The following POR variants were observed in gnomAD, a reference collection of about 807,000 sequenced individuals.
POR encodes the protein NADPH--cytochrome P450 reductase.
In POR, 56 loss-of-function variants were observed where a neutral mutation model predicts 84.0. The observed-to-expected ratio is 0.67, with a 90% CI of 0.54 to 0.83. The LOEUF is 0.83. Among genes scored for constraint, POR ranks in the 40% least tolerant of loss-of-function variants. The pLI, the probability that POR is intolerant of heterozygous loss-of-function variation, is 0.00. For missense variants in POR, 938 were observed against 944.3 expected, an observed-to-expected ratio of 0.99 and a Z score of 0.09; for synonymous variants, 414 against 400.5, an observed-to-expected ratio of 1.03 and a Z score of -0.40.
chr7:75,986,505 C>A lies in POR; in HGVS notation c.*24C>A. 2 of 1,601,552 alleles carry A rather than the reference C, an allele frequency of 1.2e-6. No individual in the cohort carries two copies. Among genetic ancestry groups the A allele is most frequent in the Middle Eastern group, 3.7e-4 (2 of 5,336 alleles). ...AGGGGCCTGCCTGCCCCACCCACCCCACAGACTCCGGCCTGTAATCAGCTC... is the reference window on the plus strand; with the variant it reads ...AGGGGCCTGCCTGCCCCACCCACCCAACAGACTCCGGCCTGTAATCAGCTC... On this transcript the variant is annotated 3_prime_UTR_variant, in exon 16 of 16. Coordinates refer to ENST00000461988, the MANE Select transcript of POR (RefSeq NM_000941.3).
At chr7:75,954,456 C>A (rs1554553459) in intron 2 of POR, among the ~76,000 whole-genome samples, 1 of 152,126 alleles carries the variant, frequency 6.6e-6, no homozygotes, top group African/African-American at 2.4e-5. Context: ...ACCGGGGGCT[C>A]AAGAATGTTA....
chr7:75,984,157 G>C (rs1156978139), intron 10 of POR, among the ~76,000 whole-genome samples: 3 of 152,214 alleles, frequency 2.0e-5, no homozygotes, highest in African/African-American at 7.2e-5. Context: ...TGTCCTGCTG[G>C]GAAGGAGGGC....
chr7:75,924,910 A>G (rs1237080024), intron 1 of POR, among the ~76,000 whole-genome samples: 2 of 152,146 alleles, frequency 1.3e-5, no homozygotes, highest in Admixed American at 6.6e-5. Flanking sequence ...CCCAGAGTGC[A>G]TAGGTGGCAT....
chr7:75,946,489 T>G (rs1343587603), intron 1 of POR, among the ~76,000 whole-genome samples: 2 of 152,110 alleles, frequency 1.3e-5, no homozygotes, highest in Admixed American at 6.5e-5. Flanking sequence ...GGTTTTGCCA[T>G]GTTACCCAGG....
At chr7:75,933,646 C>G (rs1427288284) in intron 1 of POR, among the ~76,000 whole-genome samples, 3 of 152,154 alleles carry the variant, frequency 2.0e-5, no homozygotes, top group Admixed American at 2.0e-4. Flanking sequence ...CTGCCTGGGC[C>G]TCCCAAAGTG....
intron 2 of POR, among the ~76,000 whole-genome samples, chr7:75,954,616 T>G (rs1391178349): frequency 2.6e-5 from 4 of 151,922 alleles, no homozygotes; most frequent in Non-Finnish European, 4.4e-5. Context: ...CAAGGTTCAC[T>G]GTAATCTCCA....
At chr7:75,918,576 G>A (rs1554548403) in intron 1 of POR, 1 of 152,100 alleles carries the variant, frequency 6.6e-6, no homozygotes, top group East Asian at 1.9e-4. Flanking sequence ...GCGCTGTTTG[G>A]ATCCCTGTAG....
At chr7:75,957,031 G>A (rs996248305) in intron 2 of POR, among the ~76,000 whole-genome samples, 7 of 152,138 alleles carry the variant, frequency 4.6e-5, no homozygotes, top group Non-Finnish European at 7.4e-5. Flanking sequence ...CGGCCACAGC[G>A]TACTTTTTAG....
At chr7:75,925,791 A>C (rs1313130980) in intron 1 of POR, among the ~76,000 whole-genome samples, 1 of 152,150 alleles carries the variant, frequency 6.6e-6, no homozygotes, top group Non-Finnish European at 1.5e-5. Flanking sequence ...TCTAGGTAAG[A>C]GGCTGAGAGG....
chr7:75,923,350 A>C lies in POR; in HGVS notation c.-5+8171A>C, dbSNP rs577505480. ...CCTTTCCACCTCTCAGTGGACTGTC[A>C]TGCTACCAAAAATAGTGGACTTTCT... On this transcript the variant is annotated intron_variant, in intron 1 of 15. Transcript: ENST00000461988. 3.6e-6 allele frequency: 3 copies of C among 838,850 alleles called. No individual in the cohort carries two copies. In the Admixed American group the frequency reaches 5.2e-5, roughly 14 times the overall value. The allele number at this position is 838,850 out of a possible 1,614,324, so 52.0% of individuals were successfully genotyped here. A position where few individuals can be genotyped will look rare whatever the true frequency, so the allele number is the denominator to read the frequency against.
At chr7:75,966,342 C>T (rs1345528989) in intron 2 of POR, among the ~76,000 whole-genome samples, 1 of 152,174 alleles carries the variant, frequency 6.6e-6, no homozygotes, top group Non-Finnish European at 1.5e-5. Flanking sequence ...CTCCAGCAAA[C>T]CACTTTCTGT....
At position 75,980,489 on chromosome 7, in the gene POR, G is replaced by A. The variant is rs1788951876; in HGVS notation, c.516+1G>A. The stretch of plus-strand genomic sequence containing the variant: ...GGATCTCTCTGGGGTCAAGTTCGCG[G>A]TGAGTCACCCAGAGACTGCTATGGG... On this transcript the variant is annotated splice_donor_variant, in intron 5 of 15. Transcript: ENST00000461988. LOFTEE classifies it high-confidence loss of function. 1 of 1,612,902 alleles carries A rather than the reference G, an allele frequency of 6.2e-7. No homozygotes were observed. The highest frequency in any genetic ancestry group is 8.5e-7 in the Non-Finnish European group (1 of 1,179,802).
At chr7:75,969,538 G>T (rs1017819234) in intron 2 of POR, among the ~76,000 whole-genome samples, 1 of 152,186 alleles carries the variant, frequency 6.6e-6, no homozygotes, top group Non-Finnish European at 1.5e-5. Context: ...TGTGTTACCC[G>T]CCAGGCACTC....
chr7:75,921,905 C>T (rs542274762), intron 1 of POR, among the ~76,000 whole-genome samples: 2 of 152,242 alleles, frequency 1.3e-5, no homozygotes, highest in South Asian at 2.1e-4. Context: ...CAGGGTTTCA[C>T]CATGTTGGCC....
At chr7:75,943,802 G>C in intron 1 of POR, 2 of 496,090 alleles carry the variant, frequency 4.0e-6, no homozygotes, top group South Asian at 2.9e-5. Context: ...AAACCCTCTT[G>C]GTGGCTTCCC....
chr7:75,918,555 T>G (rs942829649), intron 1 of POR: 5 of 152,100 alleles, frequency 3.3e-5, no homozygotes, highest in African/African-American at 1.2e-4. Flanking sequence ...GGGTCCTTCT[T>G]CATCTTCTTG....
intron 1 of POR, among the ~76,000 whole-genome samples, chr7:75,941,414 C>T (rs1807974065): frequency 6.6e-6 from 1 of 152,120 alleles, no homozygotes; most frequent in African/African-American, 2.4e-5. Flanking sequence ...TGACCAGCTC[C>T]ATATTGCTTT....
At chr7:75,951,762 G>C (rs1310693097) in intron 1 of POR, among the ~76,000 whole-genome samples, 1 of 152,240 alleles carries the variant, frequency 6.6e-6, no homozygotes, top group Non-Finnish European at 1.5e-5. Flanking sequence ...GTGAATTTCA[G>C]GGCTGAGCCC....
At position 75,980,400 on chromosome 7, in the gene POR, A is replaced by G. The variant is rs1554557541; in HGVS notation, c.428A>G (p.Tyr143Cys). 5 of 1,613,060 alleles carry G rather than the reference A, an allele frequency of 3.1e-6. No homozygotes were observed. The highest frequency in any genetic ancestry group is 1.3e-5 in the African/African-American group (1 of 74,886). The change falls in exon 5 of 16, where the codon TAC becomes TGC. Residue 143 changes from tyrosine to cysteine, a missense_variant. Tyr to Cys is a radical substitution (Grantham distance 194). Transcript: ENST00000461988. ...CTGGTGGTTTTCTGCATGGCCACCT[A>G]CGGTGAGGGAGACCCCACCGACAAT... is the stretch of plus-strand genomic sequence containing the variant.
Sources: allele counts gnomAD v4.1 joint callset (sites outside exome capture counted in the v4.1 genomes callset), GRCh38; gene constraint gnomAD v4.1.1; transcripts MANE v1.5; gene names NCBI Gene and HGNC (gene_info 2026-07-23, HGNC 2026-07-21).